ATP8A2: variants seen among roughly 807,000 people sequenced by gnomAD.
The protein encoded by ATP8A2 is ATPase phospholipid transporting 8A2.
In ATP8A2, 100 loss-of-function variants were observed where a neutral mutation model predicts 165.6. That is an observed-to-expected ratio of 0.60 (90% CI 0.51 to 0.71). ATP8A2 has a LOEUF of 0.71. Ranked by LOEUF, ATP8A2 falls within the 30% of genes least tolerant of loss-of-function variation. The probability of loss-of-function intolerance (pLI) is 0.00; values close to 1 mark genes in which losing one functional copy is unlikely to be tolerated. For missense variants in ATP8A2, 1,227 were observed against 1,479.5 expected (o/e 0.83, Z 2.80); for synonymous variants, 543 against 548.8 (o/e 0.99, Z 0.15).
chr13:25,738,287 T>A (rs1165299318), intron 25 of ATP8A2, among the ~76,000 whole-genome samples: 1 of 151,996 alleles, frequency 6.6e-6, no homozygotes. Flanking sequence ...ACACTCCCTC[T>A]TGTCTCTTGT....
chr13:25,948,652 G>A lies in ATP8A2; in HGVS notation c.3184-12923G>A, dbSNP rs79939310. Among the ~76,000 whole-genome samples, 17 of 152,286 alleles carry A rather than the reference G, an allele frequency of 1.1e-4. No homozygotes were observed. In the East Asian group the frequency reaches 3.3e-3, roughly 29 times the overall value. Reference sequence around the variant, plus strand: ...ACTAGGGTTAGCTGTGGTCAGGAGGGTGGAGCTCTTGTGTTGGGATTAGTG... The same window carrying A: ...ACTAGGGTTAGCTGTGGTCAGGAGGATGGAGCTCTTGTGTTGGGATTAGTG... On this transcript the variant is annotated intron_variant, in intron 33 of 36. Coordinates refer to ENST00000381655, the MANE Select transcript of ATP8A2 (RefSeq NM_016529.6).
At chr13:25,835,397 T>C (rs141532930) in intron 28 of ATP8A2, among the ~76,000 whole-genome samples, 1 of 152,254 alleles carries the variant, frequency 6.6e-6, no homozygotes, top group Admixed American at 6.5e-5. Flanking sequence ...AGAGTTTTAC[T>C]GACTCTACTC....
chr13:25,601,765 C>G (rs570773828), intron 24 of ATP8A2, among the ~76,000 whole-genome samples: 2 of 152,156 alleles, frequency 1.3e-5, no homozygotes, highest in African/African-American at 4.8e-5. Context: ...CCACTGCGCC[C>G]GGCCAGAAAT....
At chr13:25,881,001 C>A (rs1242813425) in intron 33 of ATP8A2, 3 of 449,216 alleles carry the variant, frequency 6.7e-6, no homozygotes, top group South Asian at 4.8e-5. Context: ...TAGACCTGGG[C>A]AAACAGTTTC....
At chr13:25,510,100 A>G (rs753326715) in intron 2 of ATP8A2, among the ~76,000 whole-genome samples, 8 of 152,090 alleles carry the variant, frequency 5.3e-5, no homozygotes, top group Non-Finnish European at 7.4e-5. Flanking sequence ...TGACCAGCCT[A>G]GAGCTCACAG....
intron 30 of ATP8A2, among the ~76,000 whole-genome samples, chr13:25,858,394 G>A (rs1461996874): frequency 6.6e-6 from 1 of 152,034 alleles, no homozygotes; most frequent in East Asian, 1.9e-4. Flanking sequence ...TAAGTCAGTG[G>A]CCATGTCTCG....
chr13:25,739,568 A>G (rs1282179528), intron 25 of ATP8A2, among the ~76,000 whole-genome samples: 1 of 152,120 alleles, frequency 6.6e-6, no homozygotes, highest in Non-Finnish European at 1.5e-5. Flanking sequence ...CTTGTCTTGG[A>G]GAAGAGCCAC....
intron 35 of ATP8A2, among the ~76,000 whole-genome samples, chr13:25,985,464 C>T (rs1408892227): frequency 6.6e-6 from 1 of 152,148 alleles, no homozygotes; most frequent in Non-Finnish European, 1.5e-5. Context: ...TTTCAGTTGC[C>T]GATACCAGAG....
In ATP8A2 at chr13:25,553,849, A is replaced by C. The variant is rs771120916; in HGVS notation, c.1114A>C (p.Asn372His). 1 of 1,613,584 alleles carries C rather than the reference A, an allele frequency of 6.2e-7. No homozygotes were observed. Among genetic ancestry groups the C allele is most frequent in the Admixed American group, 1.7e-5 (1 of 60,016 alleles). ...ACTGACGTTCATCATCTTATACAACAATCTTATTCCCATCAGTCTGTTGGT... is the reference window on the plus strand; with the variant it reads ...ACTGACGTTCATCATCTTATACAACCATCTTATTCCCATCAGTCTGTTGGT... ...NLLTFIILYN[N>H]LIPISLLVTL... The change falls in exon 12 of 37, where the codon AAT becomes CAT. Residue 372 changes from asparagine (N) to histidine (H), a missense_variant. This residue lies in a region of ATP8A2 where 592 missense variants were observed against 785.6 expected (regional missense o/e 0.75). Transcript: ENST00000381655.
chr13:25,586,337 G>C (rs972788243), intron 23 of ATP8A2, among the ~76,000 whole-genome samples: 1 of 152,176 alleles, frequency 6.6e-6, no homozygotes, highest in Non-Finnish European at 1.5e-5. Context: ...ACTGAGAATA[G>C]AATGGGTCAG....
chr13:25,843,386 C>T (rs1951789626), intron 30 of ATP8A2, among the ~76,000 whole-genome samples: 2 of 152,274 alleles, frequency 1.3e-5, no homozygotes, highest in East Asian at 1.9e-4. Flanking sequence ...GCTCATGCCC[C>T]CCCCGCCCAA....
At chr13:25,556,826 C>T (rs561322290) in intron 13 of ATP8A2, among the ~76,000 whole-genome samples, 1 of 152,202 alleles carries the variant, frequency 6.6e-6, no homozygotes, top group South Asian at 2.1e-4. Flanking sequence ...TTCGGGTTGT[C>T]TGTCGAGATC....
intron 1 of ATP8A2, among the ~76,000 whole-genome samples, chr13:25,409,110 C>T (rs1343033056): frequency 6.6e-6 from 1 of 152,110 alleles, no homozygotes; most frequent in Non-Finnish European, 1.5e-5. Context: ...TTGCAAACAA[C>T]AATTTCTGAA....
intron 22 of ATP8A2, 33 bp from the exon 23 acceptor site, chr13:25,581,786 C>T (rs2039784154): frequency 1.2e-6 from 2 of 1,604,944 alleles, no homozygotes; most frequent in African/African-American, 1.3e-5. Context: ...AAGTATGTGC[C>T]AATCTTTAAC....
At chr13:25,686,413 A>T (rs1351420960) in intron 24 of ATP8A2, among the ~76,000 whole-genome samples, 1 of 152,092 alleles carries the variant, frequency 6.6e-6, no homozygotes, top group Admixed American at 6.5e-5. Context: ...TCCAGAGGAA[A>T]AAAACAAGCT....
chr13:25,426,634 T>C (rs1748588), intron 1 of ATP8A2, among the ~76,000 whole-genome samples: 103,663 of 151,932 alleles, frequency 0.68, 36,231 homozygotes, highest in East Asian at 0.99. Flanking sequence ...TAATGCCAAC[T>C]GTGGACTTTA....
intron 33 of ATP8A2, among the ~76,000 whole-genome samples, chr13:25,904,729 A>T (rs1390660492): frequency 1.3e-5 from 2 of 152,180 alleles, no homozygotes; most frequent in African/African-American, 4.8e-5. Context: ...ATGGTTGCTT[A>T]TATAACACAT....
chr13:25,775,510 T>C (rs2044721493), intron 27 of ATP8A2, among the ~76,000 whole-genome samples: 1 of 152,104 alleles, frequency 6.6e-6, no homozygotes, highest in Non-Finnish European at 1.5e-5. Context: ...AACAGCAAGG[T>C]CATTGACAAT....
chr13:25,747,996 T>C (rs2044071354), intron 25 of ATP8A2, among the ~76,000 whole-genome samples: 1 of 152,216 alleles, frequency 6.6e-6, no homozygotes, highest in African/African-American at 2.4e-5. Context: ...TCAGAAAATC[T>C]ATAAGGGTTA....
Sources: allele counts gnomAD v4.1 joint callset (sites outside exome capture counted in the v4.1 genomes callset), GRCh38; gene constraint gnomAD v4.1.1; regional missense constraint gnomAD v4.1.1; transcripts MANE v1.5; gene names NCBI Gene and HGNC (gene_info 2026-07-23, HGNC 2026-07-21).